Variants in BABAM1 observed in about 807,000 individuals in gnomAD.
BABAM1 encodes the protein BRISC and BRCA1-A complex member 1.
Under a neutral mutation model 34.4 loss-of-function variants are expected in BABAM1, and 14 were observed. The ratio of observed to expected loss-of-function variants is 0.41; its 90% CI spans 0.27 to 0.64. BABAM1 has a LOEUF of 0.64. BABAM1 is among the 30% of genes least tolerant of loss of function. The pLI is 0.34. For synonymous variants in BABAM1, 169 were observed against 165.8 expected (o/e 1.02, Z -0.15); for missense variants, 393 against 434.0 (o/e 0.91, Z 0.84).
intron 2 of BABAM1, among the ~76,000 whole-genome samples, chr19:17,270,991 CTTT>C (rs778538341): frequency 1.5e-5 from 2 of 133,518 alleles, no homozygotes; most frequent in Non-Finnish European, 1.6e-5. Context: ...CGCCTGGCCT[CTTT>C]TTTTTTTTTT....
Position 17,279,025 on chromosome 19 carries a change from A to G in BABAM1, c.967A>G (p.Ile323Val), listed in dbSNP as rs1435180188. The G allele has an allele frequency of 1.2e-6, 2 of 1,611,928 alleles. No homozygotes were observed. Among genetic ancestry groups the G allele is most frequent in the Admixed American group, 1.7e-5 (1 of 59,748 alleles). ...CCTGCTGGAGGAGGAGGATGAAGCCATTGAGGTTGAGGCCACTGTCTGAAC... is the reference window on the plus strand; with the variant it reads ...CCTGCTGGAGGAGGAGGATGAAGCCGTTGAGGTTGAGGCCACTGTCTGAAC... ...YSLLEEEDEA[I>V]EVEATV The change falls in exon 9 of 9, where the codon ATT (isoleucine) becomes GTT (valine). Residue 323 changes from isoleucine to valine, a missense_variant. Physicochemically the swap from Ile to Val is conservative, Grantham distance 29. Coordinates refer to ENST00000598188, the MANE Select transcript of BABAM1 (RefSeq NM_014173.4).
rs1017541457 is a variant in BABAM1 at position 17,267,484 on chromosome 19, C to T, written c.-57C>T. 6.6e-6 allele frequency: 1 copy of T among 152,132 alleles called. No homozygotes were observed. Among genetic ancestry groups the T allele is most frequent in the African/African-American group, 2.4e-5 (1 of 41,434 alleles). The allele number at this position is 152,132 out of a possible 1,614,324, so 9.4% of individuals were successfully genotyped here. On this transcript the variant is annotated 5_prime_UTR_variant, in exon 1 of 9. Transcript: ENST00000598188. ...TAAAGATGGCGGCTTCCTAGTGAGT[C>T]GGCGGCTGATTTAGAAGGAGGTTCA... is the stretch of plus-strand genomic sequence containing the variant.
chr19:17,269,606 C>T (rs943877125), intron 2 of BABAM1, among the ~76,000 whole-genome samples: 3 of 152,124 alleles, frequency 2.0e-5, no homozygotes. Flanking sequence ...CTGCCTTGGC[C>T]TCCCAAAGTG....
At chr19:17,278,684 T>C (rs900342961) in intron 8 of BABAM1, among the ~76,000 whole-genome samples, 161 bp from the exon 9 acceptor site, 1 of 152,202 alleles carries the variant, frequency 6.6e-6, no homozygotes, top group South Asian at 2.1e-4. Flanking sequence ...CGGGGAATGT[T>C]TGCTGAATGT....
chr19:17,276,629 G>T lies in BABAM1; in HGVS notation c.699+5G>T. 6.2e-7 allele frequency: 1 copy of T among 1,600,946 alleles called. No homozygotes were observed. Among genetic ancestry groups the T allele is most frequent in the East Asian group, 2.3e-5 (1 of 44,330 alleles). On this transcript the variant is annotated splice_donor_5th_base_variant and intron_variant, in intron 7 of 8. Transcript: ENST00000598188. Reference sequence around the variant, plus strand: ...TCCTTGACGGAGCCCATGAAGGTGGGTGAGGCCTGGGAGAGGGAGGGGTGC... The same window carrying T: ...TCCTTGACGGAGCCCATGAAGGTGGTTGAGGCCTGGGAGAGGGAGGGGTGC...
At chr19:17,276,788 G>A in intron 7 of BABAM1, 35 bp from the exon 8 acceptor site, 1 of 1,582,952 alleles carries the variant, frequency 6.3e-7, no homozygotes, top group Admixed American at 1.8e-5. Flanking sequence ...GGTGACCCAA[G>A]CCCCAGAGGC....
intron 8 of BABAM1, 41 bp from the exon 9 acceptor site, chr19:17,278,804 C>T: frequency 6.4e-7 from 1 of 1,565,906 alleles, no homozygotes; most frequent in Non-Finnish European, 8.7e-7. Context: ...GGGGTAACCT[C>T]TGCCTGAACA....
intron 2 of BABAM1, among the ~76,000 whole-genome samples, chr19:17,269,634 A>T (rs1289581574): frequency 6.6e-6 from 1 of 152,046 alleles, no homozygotes; most frequent in African/African-American, 2.4e-5. Context: ...TATAGGCATG[A>T]GCCACTCTGC....
Position 17,269,067 on chromosome 19 carries a change from A to G in BABAM1, c.261A>G (p.Pro87=). The change falls in exon 2 of 9, where the codon CCA becomes CCG. Residue 87 remains proline, a synonymous_variant. Transcript: ENST00000598188. The part of the protein sequence containing the change: ...PPAPEVQIRT[P]RVNCPEKVII... Reference sequence around the variant, plus strand: ...CCCCTGAGGTCCAAATTCGGACACCAAGGGTCAACTGTCCAGAGAAAGTGG... The same window carrying G: ...CCCCTGAGGTCCAAATTCGGACACCGAGGGTCAACTGTCCAGAGAAAGTGG... 1 of 1,607,618 alleles carries G rather than the reference A, an allele frequency of 6.2e-7. No homozygotes were observed. The highest frequency in any genetic ancestry group is 8.5e-7 in the Non-Finnish European group (1 of 1,177,496).
chr19:17,274,493 G>A (rs148346472), intron 5 of BABAM1: 28 of 352,074 alleles, frequency 8.0e-5, no homozygotes, highest in Middle Eastern at 9.1e-4. Context: ...ACTTGAGTCC[G>A]GGAGGCGGAG....
chr19:17,277,708 A>G (rs959463354), intron 8 of BABAM1, among the ~76,000 whole-genome samples: 6 of 152,108 alleles, frequency 3.9e-5, no homozygotes, highest in African/African-American at 9.6e-5. Flanking sequence ...ATATCTCAGT[A>G]CCCAAATCAA....
At chr19:17,268,736 A>G (rs536790954) in intron 1 of BABAM1, 58 bp from the exon 2 acceptor site, 11 of 1,484,104 alleles carry the variant, frequency 7.4e-6, no homozygotes, top group East Asian at 2.4e-5. Context: ...ACCGTAACCA[A>G]ATGTTTTTAA....
intron 1 of BABAM1, among the ~76,000 whole-genome samples, 166 bp downstream of exon 1, chr19:17,267,693 G>C (rs140440381): frequency 2.6e-5 from 4 of 152,134 alleles, no homozygotes; most frequent in African/African-American, 4.8e-5. Context: ...TTTCTTAGAG[G>C]TGTGGGGACT....
chr19:17,268,595 A>C, intron 1 of BABAM1, 199 bp from the exon 2 acceptor site: 1 of 494,120 alleles, frequency 2.0e-6, no homozygotes, highest in Non-Finnish European at 3.5e-6. Flanking sequence ...ACGCCCGGCT[A>C]ATTTTGTATT....
chr19:17,268,737 A>G lies in BABAM1; in HGVS notation c.-13-57A>G, dbSNP rs750691137. 5 of 1,485,844 alleles carry G rather than the reference A, an allele frequency of 3.4e-6. No individual in the cohort carries two copies. The African/African-American group carries it at 7.0e-5, about 21-fold the overall frequency. 92.0% of individuals were successfully genotyped at this position (1,485,844 alleles called of 1,614,324 possible). A position where few individuals can be genotyped will look rare whatever the true frequency, so the allele number is the denominator to read the frequency against. On this transcript the variant is annotated intron_variant, in intron 1 of 8. Transcript: ENST00000598188. ...AGCCACCGTGCCCGACCGTAACCAA[A>G]TGTTTTTAAAACTCCAAGGGGAGGA... is the stretch of plus-strand genomic sequence containing the variant.
Position 17,276,558 on chromosome 19 carries a change from C to T in BABAM1, c.633C>T (p.Val211=), listed in dbSNP as rs1266873266. 2 of 1,605,492 alleles carry T rather than the reference C, an allele frequency of 1.2e-6. No individual in the cohort carries two copies. Among genetic ancestry groups the T allele is most frequent in the African/African-American group, 2.7e-5 (2 of 74,668 alleles). Residue 211 remains valine, a synonymous_variant, in exon 7 of 9, where the codon GTC becomes GTT. Transcript: ENST00000598188. ...AGACGATTCCCCCGCCATATGTGGT[C>T]CGCACCATCCTTGTCTACAGCCGTC... is the stretch of plus-strand genomic sequence containing the variant. The part of the protein sequence containing the change: ...NVQTIPPPYV[V]RTILVYSRPP...
chr19:17,268,255 TAA>T (rs11412447), intron 1 of BABAM1, among the ~76,000 whole-genome samples: 2 of 144,260 alleles, frequency 1.4e-5, no homozygotes, highest in East Asian at 2.0e-4. Flanking sequence ...AGCACTACGT[TAA>T]AAAAAAAAAG....
At chr19:17,268,732 AC>A in intron 1 of BABAM1, 61 bp from the exon 2 acceptor site, 2 of 1,475,292 alleles carry the variant, frequency 1.4e-6, no homozygotes, top group Non-Finnish European at 1.8e-6. Flanking sequence ...CCCGACCGTA[AC>A]CAAATGTTTT....
chr19:17,274,824 T>C (rs111830670), intron 5 of BABAM1, among the ~76,000 whole-genome samples: 3,146 of 152,032 alleles, frequency 0.021, 52 homozygotes, highest in South Asian at 0.042. Context: ...AAAAAAGGAA[T>C]AAATGGTGAG....
Sources: gnomAD v4.1 joint callset for allele counts (sites outside exome capture counted in the v4.1 genomes callset) on GRCh38, gnomAD v4.1.1 for gene constraint, MANE v1.5 for transcripts, NCBI Gene and HGNC (gene_info 2026-07-23, HGNC 2026-07-21) for gene names.